The following RALGPS1 variants were observed in gnomAD, a reference collection of about 807,000 sequenced individuals.
RALGPS1 encodes ras-specific guanine nucleotide-releasing factor RalGPS1.
A neutral mutation model predicts 78.8 loss-of-function variants in RALGPS1; 19 were observed. The observed-to-expected ratio is 0.24, with a 90% CI of 0.17 to 0.35. The LOEUF (loss-of-function observed/expected upper bound fraction) is 0.35, where lower values mean the gene tolerates loss of function less well. Ranked by LOEUF, RALGPS1 falls within the 10% of genes least tolerant of loss-of-function variation. The pLI, the probability that RALGPS1 is intolerant of heterozygous loss-of-function variation, is 1.00. For synonymous variants in RALGPS1, 228 were observed against 256.3 expected, an observed-to-expected ratio of 0.89 and a Z score of 1.06; for missense variants, 454 against 688.3, an observed-to-expected ratio of 0.66 and a Z score of 3.81.
At chr9:127,061,381 G>A (rs1437697911) in intron 7 of RALGPS1, among the ~76,000 whole-genome samples, 1 of 152,214 alleles carries the variant, frequency 6.6e-6, no homozygotes, top group African/African-American at 2.4e-5. Context: ...TTAGCAGTTT[G>A]TGATTGGTAC....
chr9:127,062,388 G>A (rs370823247), intron 7 of RALGPS1, among the ~76,000 whole-genome samples: 21 of 152,286 alleles, frequency 1.4e-4, no homozygotes, highest in African/African-American at 5.1e-4. Flanking sequence ...GTGAGCTGCC[G>A]CGCCCGGCCA....
intron 1 of RALGPS1, among the ~76,000 whole-genome samples, chr9:126,945,167 C>T (rs1288031110): frequency 6.6e-6 from 1 of 152,136 alleles, no homozygotes; most frequent in African/African-American, 2.4e-5. Flanking sequence ...TCTGACACTT[C>T]TCTAAGACTG....
intron 8 of RALGPS1, among the ~76,000 whole-genome samples, chr9:127,162,166 C>T (rs1216062796): frequency 6.6e-6 from 1 of 152,226 alleles, no homozygotes. Context: ...CAAGCAGCTC[C>T]TGTGTGCTCA....
At chr9:126,983,435 T>C (rs142087532) in intron 4 of RALGPS1, among the ~76,000 whole-genome samples, 82 of 152,306 alleles carry the variant, frequency 5.4e-4, no homozygotes, top group African/African-American at 1.9e-3. Context: ...ATGCCTAACA[T>C]CCTATTATTT....
chr9:127,177,944 GCCCTGGCAGGGGACAGAATGGAC>G, intron 11 of RALGPS1: 1 of 1,548,516 alleles, frequency 6.5e-7, no homozygotes, highest in Non-Finnish European at 8.7e-7. Flanking sequence ...CAGCATCAGA[GCCCTGGCAGGGGACAGAATGGAC>G]CCCAGATGGT....
chr9:126,957,358 C>CAGTTTG (rs2038442921), intron 1 of RALGPS1, among the ~76,000 whole-genome samples: 1 of 144,712 alleles, frequency 6.9e-6, no homozygotes, highest in Non-Finnish European at 1.6e-5. Context: ...CCAGGCTGAG[C>CAGTTTG]AGTTTGAGCT....
intron 8 of RALGPS1, among the ~76,000 whole-genome samples, chr9:127,084,299 G>A (rs1233477072): frequency 3.3e-5 from 5 of 152,096 alleles, no homozygotes; most frequent in African/African-American, 7.2e-5. Flanking sequence ...TTTCTGGCCC[G>A]TGGCAACAGG....
chr9:127,129,597 C>T (rs1205643710), intron 8 of RALGPS1, among the ~76,000 whole-genome samples: 1 of 152,188 alleles, frequency 6.6e-6, no homozygotes, highest in Non-Finnish European at 1.5e-5. Context: ...ATAGAGTGAG[C>T]CTCTCAGGAA....
chr9:126,962,485 A>G (rs1344845823), intron 2 of RALGPS1, 139 bp downstream of exon 2: 8 of 839,184 alleles, frequency 9.5e-6, no homozygotes, highest in African/African-American at 3.4e-5. Flanking sequence ...GCCCCTGGCC[A>G]TGCCAGGCGT....
chr9:127,040,842 C>T (rs919386751), intron 5 of RALGPS1, among the ~76,000 whole-genome samples: 26 of 152,146 alleles, frequency 1.7e-4, no homozygotes, highest in Admixed American at 7.9e-4. Flanking sequence ...TTTCACTTAG[C>T]GATATGTAGT....
intron 5 of RALGPS1, among the ~76,000 whole-genome samples, chr9:127,047,427 G>A (rs924361999): frequency 1.3e-5 from 2 of 152,186 alleles, no homozygotes; most frequent in African/African-American, 4.8e-5. Flanking sequence ...GGCCGGGCAT[G>A]GTGGCTCATG....
intron 14 of RALGPS1, among the ~76,000 whole-genome samples, chr9:127,200,595 G>T (rs551362725): frequency 6.6e-6 from 1 of 152,338 alleles, no homozygotes; most frequent in East Asian, 1.9e-4. Flanking sequence ...CAAGATGGGG[G>T]TTGGTGGGGG....
At chr9:126,941,170 G>GGC (rs1246769780) in intron 1 of RALGPS1, among the ~76,000 whole-genome samples, 1 of 151,934 alleles carries the variant, frequency 6.6e-6, no homozygotes, top group Non-Finnish European at 1.5e-5. Context: ...TAGTTGTGGG[G>GGC]GGGGGTTGTT....
chr9:127,167,518 T>C (rs1010985991), intron 9 of RALGPS1, among the ~76,000 whole-genome samples: 2 of 152,106 alleles, frequency 1.3e-5, no homozygotes, highest in South Asian at 4.1e-4. Flanking sequence ...TGCATGAAAA[T>C]GGGGATAGGA....
chr9:127,110,994 A>AC (rs1162073402), intron 8 of RALGPS1, among the ~76,000 whole-genome samples: 4 of 149,232 alleles, frequency 2.7e-5, no homozygotes, highest in Non-Finnish European at 5.9e-5. Flanking sequence ...TCTATTCAAA[A>AC]CCCCCCAGTG....
intron 10 of RALGPS1, among the ~76,000 whole-genome samples, chr9:127,170,087 T>G (rs1011666616): frequency 6.6e-6 from 1 of 152,226 alleles, no homozygotes; most frequent in African/African-American, 2.4e-5. Flanking sequence ...TCTTCCAGTT[T>G]TGTGTCTGTG....
chr9:126,987,455 A>G (rs1417752493), intron 4 of RALGPS1, among the ~76,000 whole-genome samples: 1 of 152,152 alleles, frequency 6.6e-6, no homozygotes, highest in African/African-American at 2.4e-5. Context: ...TGCTCTTGAG[A>G]GAAGAAAAGG....
At chr9:127,015,122 CT>C (rs1390816928) in intron 4 of RALGPS1, among the ~76,000 whole-genome samples, 2 of 152,188 alleles carry the variant, frequency 1.3e-5, no homozygotes, top group African/African-American at 4.8e-5. Context: ...GTGCCATTCA[CT>C]TTGTAGATAG....
chr9:127,042,378 T>G (rs1310759208), intron 5 of RALGPS1, among the ~76,000 whole-genome samples: 1 of 152,190 alleles, frequency 6.6e-6, no homozygotes, highest in Admixed American at 6.5e-5. Context: ...AATCAATTAA[T>G]GTAATCCACT....
Sources: gnomAD v4.1 joint callset for allele counts (sites outside exome capture counted in the v4.1 genomes callset) on GRCh38, gnomAD v4.1.1 for gene constraint, MANE v1.5 for transcripts, NCBI Gene and HGNC (gene_info 2026-07-23, HGNC 2026-07-21) for gene names.